Variants in XKR9 observed in about 807,000 individuals in gnomAD.
XKR9 encodes XK-related protein 9.
XKR9 carries 32 observed loss-of-function variants against 32.0 expected under a neutral mutation model. The observed-to-expected ratio is 1.00, with a 90% CI of 0.76 to 1.34. XKR9 has a LOEUF of 1.34. Ranked by LOEUF, XKR9 falls within the 40% of genes most tolerant of loss-of-function variation. The pLI, the probability that XKR9 is intolerant of heterozygous loss-of-function variation, is 0.00. For synonymous variants in XKR9, 168 were observed against 143.4 expected, an observed-to-expected ratio of 1.17 and a Z score of -1.22; for missense variants, 546 against 429.7, an observed-to-expected ratio of 1.27 and a Z score of -2.39.
At chr8:70,742,336 A>G (rs142187934) in intron 2 of XKR9, among the ~76,000 whole-genome samples, 1 of 152,324 alleles carries the variant, frequency 6.6e-6, no homozygotes, top group East Asian at 1.9e-4. Context: ...ATAATTACAT[A>G]GCTCCCTGTT....
At chr8:70,782,831 G>A (rs1456046016) in intron 2 of XKR9, among the ~76,000 whole-genome samples, 1 of 152,064 alleles carries the variant, frequency 6.6e-6, no homozygotes, top group Non-Finnish European at 1.5e-5. Context: ...TCTGTTGATG[G>A]ACATTTTACT....
chr8:70,721,588 C>G (rs913884474), intron 4 of XKR9, among the ~76,000 whole-genome samples: 1 of 152,106 alleles, frequency 6.6e-6, no homozygotes, highest in Non-Finnish European at 1.5e-5. Flanking sequence ...GCAGGTTGTT[C>G]AGTTTCCATG....
the XKR9 span, among the ~76,000 whole-genome samples, chr8:70,917,594 T>C: frequency 6.6e-6 from 1 of 152,216 alleles, no homozygotes; most frequent in African/African-American, 2.4e-5. Flanking sequence ...GAGGAACATC[T>C]ATAGTTTCTG....
chr8:70,709,047 A>G (rs1805819245), intron 4 of XKR9, among the ~76,000 whole-genome samples: 1 of 152,160 alleles, frequency 6.6e-6, no homozygotes, highest in African/African-American at 2.4e-5. Flanking sequence ...AAAAATCCTC[A>G]ACAAAATACT....
At chr8:70,816,988 A>G in the XKR9 span, among the ~76,000 whole-genome samples, 2 of 152,296 alleles carry the variant, frequency 1.3e-5, no homozygotes, top group South Asian at 2.1e-4. Flanking sequence ...AACAAGAAGC[A>G]TCTATGACAA....
the XKR9 span, among the ~76,000 whole-genome samples, chr8:70,847,617 A>G: frequency 2.0e-5 from 3 of 151,960 alleles, no homozygotes; most frequent in Admixed American, 6.6e-5. Context: ...CCAAATAAAC[A>G]AAGTCTTAAA....
the XKR9 span, among the ~76,000 whole-genome samples, chr8:70,839,534 C>T: frequency 1.8e-4 from 28 of 152,240 alleles, no homozygotes; most frequent in East Asian, 7.7e-4. Context: ...TGCTTAAACA[C>T]GAGGACAATT....
the XKR9 span, among the ~76,000 whole-genome samples, chr8:70,936,718 G>A: frequency 6.6e-6 from 1 of 151,890 alleles, no homozygotes; most frequent in African/African-American, 2.4e-5. Flanking sequence ...ACTCCTACCC[G>A]ACTGAGGGAC....
chr8:70,904,215 G>C, the XKR9 span, among the ~76,000 whole-genome samples: 1 of 152,098 alleles, frequency 6.6e-6, no homozygotes, highest in African/African-American at 2.4e-5. Context: ...TGACAGTGGG[G>C]TGTTAAAGTC....
chr8:71,040,943 GATGGTCTGAAC>G, the XKR9 span, among the ~76,000 whole-genome samples: 10 of 152,238 alleles, frequency 6.6e-5, no homozygotes, highest in East Asian at 1.3e-3. Flanking sequence ...TACTTGGTCA[GATGGTCTGAAC>G]ATAGAAAAAA....
the XKR9 span, among the ~76,000 whole-genome samples, chr8:70,973,850 A>T: frequency 2.6e-5 from 4 of 152,136 alleles, no homozygotes; most frequent in Non-Finnish European, 5.9e-5. Context: ...TTGATTTTTT[A>T]AAATTTTTTG....
At chr8:70,809,297 G>A in the XKR9 span, among the ~76,000 whole-genome samples, 4 of 152,054 alleles carry the variant, frequency 2.6e-5, no homozygotes, top group Admixed American at 6.6e-5. Context: ...TCATCCGTAC[G>A]TCACCATCAT....
intron 3 of XKR9, among the ~76,000 whole-genome samples, chr8:70,694,068 G>A (rs1325280101): frequency 6.6e-6 from 1 of 151,686 alleles, no homozygotes; most frequent in Admixed American, 6.6e-5. Context: ...CTGTAGGGCT[G>A]CTGTGGTATG....
intron 3 of XKR9, among the ~76,000 whole-genome samples, chr8:70,703,514 A>G (rs1172454257): frequency 6.6e-6 from 1 of 152,228 alleles, no homozygotes; most frequent in Non-Finnish European, 1.5e-5. Context: ...GGCCTCTTTT[A>G]TAAGCACACT....
At chr8:70,864,155 A>G in the XKR9 span, among the ~76,000 whole-genome samples, 2 of 152,188 alleles carry the variant, frequency 1.3e-5, no homozygotes, top group African/African-American at 2.4e-5. Flanking sequence ...TAATCTCTAC[A>G]TTTGTGCTTT....
chr8:70,706,516 A>C (rs1805722485), intron 3 of XKR9, among the ~76,000 whole-genome samples: 1 of 152,118 alleles, frequency 6.6e-6, no homozygotes, highest in African/African-American at 2.4e-5. Context: ...TTTGTCTTTC[A>C]GAAAGTAGTG....
the XKR9 span, among the ~76,000 whole-genome samples, chr8:71,032,440 A>G: frequency 1.3e-5 from 2 of 152,102 alleles, no homozygotes; most frequent in East Asian, 1.9e-4. Flanking sequence ...CACTAGTTAC[A>G]TGGTTGAGTG....
chr8:70,857,250 G>T, the XKR9 span, among the ~76,000 whole-genome samples: 7 of 151,976 alleles, frequency 4.6e-5, no homozygotes, highest in Non-Finnish European at 1.0e-4. Flanking sequence ...GAAGAAAAGA[G>T]GGAAGAATCA....
downstream of XKR9, among the ~76,000 whole-genome samples, chr8:70,791,774 C>A (rs973766721): frequency 6.6e-6 from 1 of 152,106 alleles, no homozygotes; most frequent in Admixed American, 6.6e-5. Flanking sequence ...TCTGTTATAG[C>A]TTCACAGAAC....
Sources: gnomAD v4.1 joint callset for allele counts (sites outside exome capture counted in the v4.1 genomes callset) on GRCh38, gnomAD v4.1.1 for gene constraint, MANE v1.5 for transcripts, NCBI Gene and HGNC (gene_info 2026-07-23, HGNC 2026-07-21) for gene names.